The following ARHGAP25 variants were observed in gnomAD, a reference collection of about 807,000 sequenced individuals.
ARHGAP25 encodes the protein rho GTPase-activating protein 25.
In ARHGAP25, 34 loss-of-function variants were observed where a neutral mutation model predicts 71.0. The ratio of observed to expected loss-of-function variants is 0.48; its 90% CI spans 0.36 to 0.64. The LOEUF (loss-of-function observed/expected upper bound fraction) is 0.64. Ranked by LOEUF, ARHGAP25 falls within the 30% of genes least tolerant of loss-of-function variation. The pLI, the probability that ARHGAP25 is intolerant of heterozygous loss-of-function variation, is 0.00. For synonymous variants in ARHGAP25, 282 were observed against 296.5 expected (o/e 0.95, Z 0.50); for missense variants, 706 against 805.1 (o/e 0.88, Z 1.49).
At chr2:68,769,939 C>T (rs971095532) in intron 1 of ARHGAP25, among the ~76,000 whole-genome samples, 1 of 152,124 alleles carries the variant, frequency 6.6e-6, no homozygotes, top group African/African-American at 2.4e-5. Context: ...TAGACTTCAT[C>T]GTTTAGGAGG....
intron 1 of ARHGAP25, among the ~76,000 whole-genome samples, chr2:68,772,908 A>G (rs1193268755): frequency 2.6e-5 from 4 of 152,364 alleles, no homozygotes; most frequent in Non-Finnish European, 5.9e-5. Context: ...ATTGTCATCA[A>G]AATATCAAAT....
Position 68,813,356 on chromosome 2 carries a change from T to C in ARHGAP25, c.744T>C (p.Val248=), listed in dbSNP as rs1350830630. 1 of 1,613,672 alleles carries C rather than the reference T, an allele frequency of 6.2e-7. No individual in the cohort carries two copies. Among genetic ancestry groups the C allele is most frequent in the Non-Finnish European group, 8.5e-7 (1 of 1,179,918 alleles). Reference sequence around the variant, plus strand: ...TCCGAGACCTCCCAGAGCCCGTGGTTCCCTGGAGCCAGTACGAAGGGTTCC... The same window carrying C: ...TCCGAGACCTCCCAGAGCCCGTGGTCCCCTGGAGCCAGTACGAAGGGTTCC... ...LYLRDLPEPV[V]PWSQYEGFLL... The change falls in exon 6 of 11, where the codon GTT becomes GTC. Residue 248 remains valine (V), a synonymous_variant. Transcript: ENST00000409202.
intron 3 of ARHGAP25, among the ~76,000 whole-genome samples, chr2:68,784,593 C>T (rs889303187): frequency 2.6e-5 from 4 of 152,162 alleles, no homozygotes; most frequent in Non-Finnish European, 4.4e-5. Context: ...CTATTCTCCT[C>T]CTACCCCAGG....
At chr2:68,744,224 C>T (rs141151672) in intron 1 of ARHGAP25, among the ~76,000 whole-genome samples, 90 of 151,948 alleles carry the variant, frequency 5.9e-4, no homozygotes, top group African/African-American at 2.1e-3. Flanking sequence ...ATATCTGGCC[C>T]GTAAGTTTGC....
chr2:68,805,400 T>C (rs1198850913), intron 4 of ARHGAP25, among the ~76,000 whole-genome samples: 6 of 151,974 alleles, frequency 3.9e-5, no homozygotes, highest in African/African-American at 7.3e-5. Context: ...TAGTGGGGAA[T>C]ACAGAGGCCA....
chr2:68,774,057 C>A (rs1199538686), intron 1 of ARHGAP25, among the ~76,000 whole-genome samples: 2 of 152,068 alleles, frequency 1.3e-5, no homozygotes, highest in African/African-American at 4.8e-5. Context: ...GAGTTGATAG[C>A]TTAGTTTAGC....
chr2:68,807,112 A>T, intron 4 of ARHGAP25, 161 bp from the exon 5 acceptor site: 1 of 674,702 alleles, frequency 1.5e-6, no homozygotes, highest in Non-Finnish European at 2.6e-6. Context: ...ACAGGCCCCT[A>T]TTTATAGCTT....
At chr2:68,813,502 C>T (rs1558658213) in intron 6 of ARHGAP25, 83 bp downstream of exon 6, 1 of 1,481,038 alleles carries the variant, frequency 6.8e-7, no homozygotes, top group African/African-American at 1.4e-5. Flanking sequence ...AACAGTGGGT[C>T]AAGGGGCCTG....
intron 5 of ARHGAP25, among the ~76,000 whole-genome samples, chr2:68,807,789 G>A (rs1288860651): frequency 4.6e-5 from 7 of 152,160 alleles, no homozygotes; most frequent in African/African-American, 7.2e-5. Context: ...AAGATGGGAC[G>A]TTGCCTGAGG....
intron 4 of ARHGAP25, 161 bp from the exon 5 acceptor site, chr2:68,807,112 A>G: frequency 1.5e-6 from 1 of 674,702 alleles, no homozygotes; most frequent in Non-Finnish European, 2.6e-6. Flanking sequence ...ACAGGCCCCT[A>G]TTTATAGCTT....
In ARHGAP25 at chr2:68,819,142, A is replaced by G; in HGVS notation, c.1023A>G (p.Arg341=). ...TTTCAGGGACTCCTCAGATCCAAAG[A>G]GTGATGACTATGATGATCAGAGACC... ...VIMRGTPQIQ[R]VMTMMIRDHE... is the part of the protein sequence containing the mutation. Residue 341 remains arginine (R), a synonymous_variant, in exon 9 of 11, where the codon AGA becomes AGG. Transcript: ENST00000409202. 6.4e-7 allele frequency: 1 copy of G among 1,568,940 alleles called. No homozygotes were observed. The highest frequency in any genetic ancestry group is 8.6e-7 in the Non-Finnish European group (1 of 1,156,976).
At chr2:68,765,581 A>T (rs142312406) in intron 1 of ARHGAP25, among the ~76,000 whole-genome samples, 438 of 152,342 alleles carry the variant, frequency 2.9e-3, no homozygotes, top group African/African-American at 9.4e-3. Context: ...ATTTTAAAAC[A>T]AATCCCAGAC....
Position 68,735,190 on chromosome 2 carries a change from T to G in ARHGAP25, c.-10T>G, listed in dbSNP as rs1054087132. 8.7e-6 allele frequency: 14 copies of G among 1,613,494 alleles called. No homozygotes were observed. Among genetic ancestry groups the G allele is most frequent in the Non-Finnish European group, 1.2e-5 (14 of 1,179,384 alleles). Reference sequence around the variant, plus strand: ...CGCTTCACTAACTACTCACTTAAACTGGAAGCAAAATGTCCCTAAAATTGC... The same window carrying G: ...CGCTTCACTAACTACTCACTTAAACGGGAAGCAAAATGTCCCTAAAATTGC... On this transcript the variant is annotated 5_prime_UTR_variant, in exon 1 of 11. Coordinates refer to ENST00000409202, the MANE Select transcript of ARHGAP25 (RefSeq NM_001007231.3).
chr2:68,713,552 A>AGAG (rs1674538112), intron 2 of ARHGAP25, among the ~76,000 whole-genome samples: 1 of 152,278 alleles, frequency 6.6e-6, no homozygotes, highest in Non-Finnish European at 1.5e-5. Flanking sequence ...GAGTGGTGAG[A>AGAG]GAGGACATCC....
At chr2:68,807,960 A>G (rs1680498792) in intron 5 of ARHGAP25, among the ~76,000 whole-genome samples, 3 of 152,232 alleles carry the variant, frequency 2.0e-5, no homozygotes, top group Admixed American at 2.0e-4. Context: ...CCTGGATCAC[A>G]GTACTACGTG....
intron 2 of ARHGAP25, among the ~76,000 whole-genome samples, chr2:68,717,349 G>T (rs1674638968): frequency 6.6e-6 from 1 of 152,142 alleles, no homozygotes; most frequent in Admixed American, 6.5e-5. Flanking sequence ...TGTGAATCAG[G>T]GACCTCTATG....
At chr2:68,713,789 T>C (rs963501503) in intron 2 of ARHGAP25, among the ~76,000 whole-genome samples, 1 of 152,250 alleles carries the variant, frequency 6.6e-6, no homozygotes, top group African/African-American at 2.4e-5. Context: ...GTTTAAGTGA[T>C]GGATCACATT....
Position 68,817,930 on chromosome 2 carries a change from G to C in ARHGAP25, c.939G>C (p.Leu313=). 1 of 1,614,124 alleles carries C rather than the reference G, an allele frequency of 6.2e-7. No individual in the cohort carries two copies. Among genetic ancestry groups the C allele is most frequent in the South Asian group, 1.1e-5 (1 of 91,086 alleles). Residue 313 remains leucine (L), a synonymous_variant, in exon 8 of 11, where the codon CTG becomes CTC. Coordinates refer to ENST00000409202, the MANE Select transcript of ARHGAP25 (RefSeq NM_001007231.3). The part of the protein sequence containing the change: ...CAVNKMSVDN[L]ATVIGVNLIR... Reference sequence around the variant, plus strand: ...TTAACAAGATGAGTGTGGACAACCTGGCTACTGTGATTGGTGTGAATCTCA... The same window carrying C: ...TTAACAAGATGAGTGTGGACAACCTCGCTACTGTGATTGGTGTGAATCTCA...
At chr2:68,763,842 A>G (rs1676967140) in intron 1 of ARHGAP25, among the ~76,000 whole-genome samples, 1 of 152,118 alleles carries the variant, frequency 6.6e-6, no homozygotes, top group Admixed American at 6.6e-5. Flanking sequence ...GCAGTTATAT[A>G]TATTATTTAG....
Sources: allele counts gnomAD v4.1 joint callset (sites outside exome capture counted in the v4.1 genomes callset), GRCh38; gene constraint gnomAD v4.1.1; transcripts MANE v1.5; gene names NCBI Gene and HGNC (gene_info 2026-07-23, HGNC 2026-07-21).